The following NMD3 variants were observed in gnomAD, a reference collection of about 807,000 sequenced individuals.
NMD3 encodes 60S ribosomal export protein NMD3.
NMD3 carries 47 observed loss-of-function variants against 73.1 expected under a neutral mutation model. That is an observed-to-expected ratio of 0.64 (90% CI 0.51 to 0.82). NMD3 has a LOEUF of 0.82. Ranked by LOEUF, NMD3 falls within the 40% of genes least tolerant of loss-of-function variation. The pLI is 0.00. For synonymous variants in NMD3, 210 were observed against 194.5 expected (o/e 1.08, Z -0.66); for missense variants, 554 against 612.5 (o/e 0.90, Z 1.01).
intron 7 of NMD3, among the ~76,000 whole-genome samples, chr3:161,236,183 A>G (rs752195531): frequency 3.9e-5 from 6 of 152,104 alleles, no homozygotes; most frequent in Non-Finnish European, 5.9e-5. Context: ...GCCCTCAGCA[A>G]GCACCTCAGC....
Position 161,227,197 on chromosome 3 carries a change from C to A in NMD3, c.180-50C>A, listed in dbSNP as rs932784961. On this transcript the variant is annotated intron_variant, in intron 3 of 15. Coordinates refer to ENST00000351193, the MANE Select transcript of NMD3 (RefSeq NM_015938.5). ...TATCTGTGTATTCAGATGGAAATTT[C>A]TGTGTTTCCTGACAGATGTTGGATT... 8.5e-6 allele frequency: 10 copies of A among 1,174,600 alleles called. No individual in the cohort carries two copies. The East Asian group carries it at 2.2e-4, about 26-fold the overall frequency. 72.8% of individuals were successfully genotyped at this position (1,174,600 alleles called of 1,614,324 possible).
chr3:161,244,037 A>G lies in NMD3; in HGVS notation c.1017+1384A>G, dbSNP rs907756147. Reference sequence around the variant, plus strand: ...ACAAAATGGTGAATTTTCTATTTCTATTCTACATTTACTAGCTGTCATTCT... The same window carrying G: ...ACAAAATGGTGAATTTTCTATTTCTGTTCTACATTTACTAGCTGTCATTCT... On this transcript the variant is annotated intron_variant, in intron 11 of 15. Transcript: ENST00000351193. 5.3e-5 allele frequency among the ~76,000 whole-genome samples: 8 copies of G among 152,218 alleles called. No individual in the cohort carries two copies. The East Asian group carries it at 1.2e-3, about 22-fold the overall frequency.
At chr3:161,231,669 T>G (rs976487519) in intron 4 of NMD3, among the ~76,000 whole-genome samples, 3 of 152,086 alleles carry the variant, frequency 2.0e-5, no homozygotes, top group Middle Eastern at 3.2e-3. Context: ...TAATTAGCAA[T>G]GAAGAGCAAG....
chr3:161,241,169 T>A lies in NMD3; in HGVS notation c.871+6T>A. On this transcript the variant is annotated splice_donor_region_variant and intron_variant, in intron 10 of 15. Coordinates refer to ENST00000351193, the MANE Select transcript of NMD3 (RefSeq NM_015938.5). The stretch of plus-strand genomic sequence containing the variant: ...TGATCCAAACACCCTACAAGGTAAA[T>A]TCTGGAAATGATTTGCCTTGACAAT... 1 of 1,524,936 alleles carries A rather than the reference T, an allele frequency of 6.6e-7. No individual in the cohort carries two copies. The highest frequency in any genetic ancestry group is 9.1e-7 in the Non-Finnish European group (1 of 1,102,862). The allele number at this position is 1,524,936 out of a possible 1,614,324, so 94.5% of individuals were successfully genotyped here.
intron 4 of NMD3, 112 bp from the exon 5 acceptor site, chr3:161,233,287 C>T (rs1736610899): frequency 1.5e-6 from 1 of 651,792 alleles, no homozygotes; most frequent in African/African-American, 1.8e-5. Flanking sequence ...GTATGCTGAT[C>T]ACAGATTCCT....
At chr3:161,243,643 A>G (rs1737079535) in intron 11 of NMD3, among the ~76,000 whole-genome samples, 1 of 152,130 alleles carries the variant, frequency 6.6e-6, no homozygotes, top group Non-Finnish European at 1.5e-5. Context: ...AATCTATCTA[A>G]TTGTTTCCTC....
chr3:161,237,991 A>G (rs1736829187), intron 7 of NMD3, 122 bp from the exon 8 acceptor site: 2 of 661,656 alleles, frequency 3.0e-6, no homozygotes, highest in Admixed American at 3.0e-5. Flanking sequence ...TGTGACTACA[A>G]TAGAGTTTTC....
Position 161,247,350 on chromosome 3 carries a change from CCT to C in NMD3, c.1203+21_1203+22del. 5 of 1,531,300 alleles carry C rather than the reference CCT, an allele frequency of 3.3e-6. No homozygotes were observed. In the South Asian group the frequency reaches 5.6e-5, roughly 17 times the overall value. The allele number at this position is 1,531,300 out of a possible 1,614,324, so 94.9% of individuals were successfully genotyped here. A position where few individuals can be genotyped will look rare whatever the true frequency, so the allele number is the denominator to read the frequency against. ...GATGTGGTAAGGCTTTAGATTTTTC[CCT>C]TTTTTCCTGTGTTAAAGAGGATGAA... On this transcript the variant is annotated intron_variant, in intron 13 of 15. Coordinates refer to ENST00000351193, the MANE Select transcript of NMD3 (RefSeq NM_015938.5).
At chr3:161,242,287 C>CTAT (rs1737014942) in intron 10 of NMD3, among the ~76,000 whole-genome samples, 1 of 152,072 alleles carries the variant, frequency 6.6e-6, no homozygotes, top group Non-Finnish European at 1.5e-5. Context: ...GTTATAGTAA[C>CTAT]TATTTAAGAT....
intron 4 of NMD3, among the ~76,000 whole-genome samples, 176 bp from the exon 5 acceptor site, chr3:161,233,223 G>A (rs1476396247): frequency 6.6e-6 from 1 of 151,090 alleles, no homozygotes; most frequent in East Asian, 1.9e-4. Context: ...CCTTTGATTT[G>A]CTGCTGTTGT....
chr3:161,226,570 T>C (rs1736327364), intron 3 of NMD3, among the ~76,000 whole-genome samples: 1 of 152,212 alleles, frequency 6.6e-6, no homozygotes, highest in African/African-American at 2.4e-5. Flanking sequence ...GTAACAAGTA[T>C]GGCAAAAAGA....
At chr3:161,243,407 G>T (rs1028751854) in intron 11 of NMD3, among the ~76,000 whole-genome samples, 1 of 152,146 alleles carries the variant, frequency 6.6e-6, no homozygotes, top group Non-Finnish European at 1.5e-5. Context: ...GGGAAACTAT[G>T]GATAAGGGGG....
Position 161,233,879 on chromosome 3 carries a change from T to C in NMD3, c.357+400T>C, listed in dbSNP as rs1430449087. ...GACAAGAAGTGTTTCAGATTTTGGA[T>C]TTTTTGGATTTTGGAATTTTGCATT... On this transcript the variant is annotated intron_variant, in intron 5 of 15. Transcript: ENST00000351193. Among the ~76,000 whole-genome samples, 4 of 150,980 alleles carry C rather than the reference T, an allele frequency of 2.6e-5. No individual in the cohort carries two copies. The East Asian group carries it at 7.8e-4, about 30-fold the overall frequency.
rs1736676907 is a variant in NMD3 at position 161,234,709 on chromosome 3, G to A, written c.358-18G>A. The A allele has an allele frequency of 6.3e-7, 1 of 1,590,114 alleles. No individual in the cohort carries two copies. ...TAAACAAAACCAAAAGAATGAAGGA[G>A]TGTAATTGTTTTATCAGGTGATGAA... On this transcript the variant is annotated intron_variant, in intron 5 of 15. Transcript: ENST00000351193.
chr3:161,248,469 G>T (rs1043691524), intron 13 of NMD3, among the ~76,000 whole-genome samples: 14 of 152,050 alleles, frequency 9.2e-5, no homozygotes, highest in Non-Finnish European at 1.9e-4. Flanking sequence ...CAGCCTGGGT[G>T]ATAGAGCAAG....
chr3:161,235,610 C>T (rs1391949579), intron 7 of NMD3, among the ~76,000 whole-genome samples: 1 of 152,052 alleles, frequency 6.6e-6, no homozygotes, highest in Non-Finnish European at 1.5e-5. Context: ...AGAAAGCTTG[C>T]CTTCTTTCTA....
chr3:161,228,552 T>A (rs1215550907), intron 4 of NMD3, among the ~76,000 whole-genome samples: 2 of 151,872 alleles, frequency 1.3e-5, no homozygotes, highest in Non-Finnish European at 2.9e-5. Flanking sequence ...TTTTGTTTCT[T>A]TCTGTTCCCT....
rs754664968 is a variant in NMD3, at chr3:161,249,662, C to T, written c.1310+102C>T. ...ATAGGCATCACACAATTGATCCTTG[C>T]ACTCAATTATAATCTTGGATTCTTA... is the stretch of plus-strand genomic sequence containing the variant. On this transcript the variant is annotated intron_variant, in intron 14 of 15. Transcript: ENST00000351193. The T allele has an allele frequency of 1.3e-5, 10 of 750,628 alleles. No homozygotes were observed. In the East Asian group the frequency reaches 1.3e-4, roughly 10 times the overall value. 46.5% of individuals were successfully genotyped at this position (750,628 alleles called of 1,614,324 possible).
At chr3:161,240,216 T>C (rs2108091760) in intron 9 of NMD3, among the ~76,000 whole-genome samples, 1 of 152,366 alleles carries the variant, frequency 6.6e-6, no homozygotes, top group East Asian at 1.9e-4. Context: ...GTATTTTAAT[T>C]CAGTTTAAAA....
Sources: allele counts gnomAD v4.1 joint callset (sites outside exome capture counted in the v4.1 genomes callset), GRCh38; gene constraint gnomAD v4.1.1; transcripts MANE v1.5; gene names NCBI Gene and HGNC (gene_info 2026-07-23, HGNC 2026-07-21).